The following NAV3 variants were observed in gnomAD, a reference collection of about 807,000 sequenced individuals.
NAV3 encodes the protein pore membrane and/or filament interacting like protein 1.
NAV3 carries 87 observed loss-of-function variants against 244.7 expected under a neutral mutation model. That is an observed-to-expected ratio of 0.36 (90% CI 0.30 to 0.42). The LOEUF is 0.42. Among genes scored for constraint, NAV3 ranks in the 20% least tolerant of loss-of-function variants. The probability of loss-of-function intolerance (pLI) is 1.00; values close to 1 mark genes in which losing one functional copy is unlikely to be tolerated. For synonymous variants in NAV3, 1,126 were observed against 1,042.2 expected (o/e 1.08, Z -1.55); for missense variants, 2,663 against 2,893.3 (o/e 0.92, Z 1.83).
At chr12:77,913,773 A>G (rs1886854945) in intron 1 of NAV3, among the ~76,000 whole-genome samples, 1 of 152,114 alleles carries the variant, frequency 6.6e-6, no homozygotes, top group Non-Finnish European at 1.5e-5. Context: ...ATAACTAATT[A>G]AAATGTTTAC....
chr12:78,185,552 T>G, intron 30 of NAV3, 49 bp from the exon 31 acceptor site: 8 of 1,480,602 alleles, frequency 5.4e-6, no homozygotes, highest in Non-Finnish European at 7.5e-6. Flanking sequence ...TAAACAAATC[T>G]GAGCTAATGT....
intron 12 of NAV3, among the ~76,000 whole-genome samples, chr12:78,111,259 A>G (rs1048808492): frequency 6.6e-6 from 1 of 152,100 alleles, no homozygotes; most frequent in Non-Finnish European, 1.5e-5. Context: ...AAAATAATAA[A>G]ATACTAATCC....
At chr12:77,845,578 T>C (rs1404075046) in intron 1 of NAV3, among the ~76,000 whole-genome samples, 1 of 152,118 alleles carries the variant, frequency 6.6e-6, no homozygotes. Context: ...TCTATTGAAG[T>C]TTTGGATATT....
rs373514102 is a variant in NAV3 at position 78,058,249 on chromosome 12, G to A, written c.2517-747G>A. Among the ~76,000 whole-genome samples, 5 of 152,066 alleles carry A rather than the reference G, an allele frequency of 3.3e-5. No homozygotes were observed. In the East Asian group the frequency reaches 9.7e-4, roughly 30 times the overall value. ...ATTTATAAGGGAAAGAGGTTTAATTGACTCACAGTTTCACATGGCTGGGGA... is the reference window on the plus strand; with the variant it reads ...ATTTATAAGGGAAAGAGGTTTAATTAACTCACAGTTTCACATGGCTGGGGA... On this transcript the variant is annotated intron_variant, in intron 11 of 39. Coordinates refer to ENST00000397909, the MANE Select transcript of NAV3 (RefSeq NM_001024383.2).
chr12:77,659,412 A>G (rs1242129341), intron 2 of NAV3, among the ~76,000 whole-genome samples: 3 of 152,238 alleles, frequency 2.0e-5, no homozygotes, highest in African/African-American at 4.8e-5. Flanking sequence ...ACAATGAGAT[A>G]TCATCTCACA....
chr12:77,908,811 A>C (rs1261714976), intron 1 of NAV3, among the ~76,000 whole-genome samples: 1 of 152,092 alleles, frequency 6.6e-6, no homozygotes, highest in Non-Finnish European at 1.5e-5. Context: ...CCTTCTCTAT[A>C]ATAATGGCAC....
chr12:77,872,894 C>G (rs776942988), intron 1 of NAV3, among the ~76,000 whole-genome samples: 8 of 152,146 alleles, frequency 5.3e-5, no homozygotes, highest in Non-Finnish European at 1.2e-4. Flanking sequence ...ACCTTTATCC[C>G]TGATATGGTT....
At chr12:78,202,134 G>A (rs1365488791) in intron 38 of NAV3, among the ~76,000 whole-genome samples, 1 of 151,754 alleles carries the variant, frequency 6.6e-6, no homozygotes, top group African/African-American at 2.4e-5. Context: ...TTATACAGAT[G>A]TTTTTATTTT....
chr12:77,765,598 A>G (rs143149397), intron 2 of NAV3, among the ~76,000 whole-genome samples: 1 of 152,342 alleles, frequency 6.6e-6, no homozygotes, highest in African/African-American at 2.4e-5. Flanking sequence ...AAAGAACATG[A>G]ACAAAGACAT....
intron 2 of NAV3, among the ~76,000 whole-genome samples, chr12:77,654,401 G>A (rs1310541890): frequency 6.6e-6 from 1 of 152,208 alleles, no homozygotes; most frequent in Non-Finnish European, 1.5e-5. Context: ...GAGGCTGGGG[G>A]AGGGGTGCCC....
intron 2 of NAV3, among the ~76,000 whole-genome samples, chr12:77,626,716 A>C (rs982703662): frequency 1.3e-5 from 2 of 152,166 alleles, no homozygotes; most frequent in Non-Finnish European, 2.9e-5. Flanking sequence ...CTATCCTTCC[A>C]AAATGAAAAC....
chr12:78,097,289 C>T (rs1477697425), intron 12 of NAV3, among the ~76,000 whole-genome samples: 1 of 152,162 alleles, frequency 6.6e-6, no homozygotes, highest in African/African-American at 2.4e-5. Flanking sequence ...TGCATTTTGT[C>T]TTCTCTTCTA....
intron 3 of NAV3, among the ~76,000 whole-genome samples, chr12:77,946,193 G>T (rs1001530224): frequency 2.0e-5 from 3 of 148,330 alleles, no homozygotes; most frequent in African/African-American, 4.9e-5. Flanking sequence ...CAAAGGAGTG[G>T]AATATTGCTA....
chr12:77,611,190 C>A (rs1870897322), intron 2 of NAV3, among the ~76,000 whole-genome samples: 1 of 151,934 alleles, frequency 6.6e-6, no homozygotes, highest in Non-Finnish European at 1.5e-5. Flanking sequence ...CTAGGGCACT[C>A]TGTAAGTCAG....
At chr12:77,775,638 G>T (rs926714852) in intron 2 of NAV3, 8 of 151,988 alleles carry the variant, frequency 5.3e-5, no homozygotes, top group Admixed American at 6.6e-5. Context: ...AGAACTTTTG[G>T]GAACAGGTGA....
intron 12 of NAV3, among the ~76,000 whole-genome samples, chr12:78,088,503 G>A (rs577446695): frequency 9.2e-5 from 14 of 151,956 alleles, no homozygotes; most frequent in East Asian, 3.9e-4. Flanking sequence ...GTTGACATGC[G>A]CTATTGTAAA....
At chr12:78,018,154 G>A (rs894185722) in intron 8 of NAV3, among the ~76,000 whole-genome samples, 20 of 152,164 alleles carry the variant, frequency 1.3e-4, no homozygotes, top group African/African-American at 4.8e-4. Flanking sequence ...ATACACCAGA[G>A]AACTTAAGGT....
intron 12 of NAV3, among the ~76,000 whole-genome samples, chr12:78,096,777 C>T (rs1566125995): frequency 1.3e-5 from 2 of 152,080 alleles, no homozygotes; most frequent in Non-Finnish European, 2.9e-5. Context: ...GTGGGGATAC[C>T]GCCAAACCAT....
At chr12:78,089,307 T>G (rs1433564291) in intron 12 of NAV3, among the ~76,000 whole-genome samples, 1 of 152,100 alleles carries the variant, frequency 6.6e-6, no homozygotes, top group Non-Finnish European at 1.5e-5. Context: ...TGATAAACCA[T>G]AAAGTAATGT....
Sources: allele counts gnomAD v4.1 joint callset (sites outside exome capture counted in the v4.1 genomes callset), GRCh38; gene constraint gnomAD v4.1.1; transcripts MANE v1.5; gene names NCBI Gene and HGNC (gene_info 2026-07-23, HGNC 2026-07-21).